Variants in CNBD1 observed in about 807,000 individuals in gnomAD.
CNBD1 encodes the protein cyclic nucleotide-binding domain-containing protein 1.
In CNBD1, 71 loss-of-function variants were observed where a neutral mutation model predicts 54.4. The ratio of observed to expected loss-of-function variants is 1.30; its 90% CI spans 1.08 to 1.59. CNBD1 has a LOEUF of 1.59. CNBD1 is among the 40% of genes most tolerant of loss of function. The probability of loss-of-function intolerance (pLI) is 0.00; values close to 1 mark genes in which losing one functional copy is unlikely to be tolerated. For missense variants in CNBD1, 659 were observed against 518.0 expected (o/e 1.27, Z -2.64); for synonymous variants, 182 against 170.7 (o/e 1.07, Z -0.51).
At chr8:86,984,429 G>T (rs1390977222) in intron 4 of CNBD1, among the ~76,000 whole-genome samples, 2 of 152,150 alleles carry the variant, frequency 1.3e-5, no homozygotes, top group African/African-American at 4.8e-5. Context: ...GTGAGAAGAG[G>T]GCCATCATCC....
chr8:87,300,507 A>G (rs750209052), intron 8 of CNBD1, among the ~76,000 whole-genome samples: 6 of 152,198 alleles, frequency 3.9e-5, no homozygotes, highest in Non-Finnish European at 8.8e-5. Context: ...TTTTGTAGCT[A>G]TACTGGTACG....
chr8:86,929,596 GT>G (rs1809422397), intron 3 of CNBD1, among the ~76,000 whole-genome samples: 1 of 152,182 alleles, frequency 6.6e-6, no homozygotes, highest in African/African-American at 2.4e-5. Context: ...TGCTCGATTG[GT>G]TCCCCATCCT....
At chr8:87,316,099 T>A (rs1041989389) in intron 8 of CNBD1, among the ~76,000 whole-genome samples, 4 of 152,058 alleles carry the variant, frequency 2.6e-5, no homozygotes, top group Non-Finnish European at 5.9e-5. Flanking sequence ...AAGTGATTCA[T>A]CTAAGAATAA....
intron 6 of CNBD1, among the ~76,000 whole-genome samples, chr8:87,275,440 T>C (rs1411094900): frequency 6.6e-6 from 1 of 152,058 alleles, no homozygotes; most frequent in Non-Finnish European, 1.5e-5. Context: ...TTGTATCCGC[T>C]TTTATTTCAT....
intron 8 of CNBD1, among the ~76,000 whole-genome samples, chr8:87,334,640 A>T (rs1175178339): frequency 1.3e-5 from 2 of 151,070 alleles, no homozygotes; most frequent in Non-Finnish European, 2.9e-5. Context: ...CCCAGTAGTC[A>T]TTCAGGAGCA....
At chr8:86,886,457 A>T (rs192889445) in intron 1 of CNBD1, among the ~76,000 whole-genome samples, 71 of 152,266 alleles carry the variant, frequency 4.7e-4, no homozygotes, top group African/African-American at 1.5e-3. Flanking sequence ...TATGATATGG[A>T]TATATATGAT....
At chr8:87,381,039 G>A (rs1307694887) in intron 10 of CNBD1, among the ~76,000 whole-genome samples, 1 of 151,926 alleles carries the variant, frequency 6.6e-6, no homozygotes, top group African/African-American at 2.4e-5. Flanking sequence ...AAACCAGTGA[G>A]ACCACATCAA....
chr8:87,140,115 C>T (rs1476115623), intron 4 of CNBD1, among the ~76,000 whole-genome samples: 1 of 152,076 alleles, frequency 6.6e-6, no homozygotes, highest in African/African-American at 2.4e-5. Context: ...CAGAATAGTC[C>T]ATTAATGCTG....
rs1274059250 is a variant in CNBD1 at position 87,329,142 on chromosome 8, G to T, written c.1043-22543G>T. On this transcript the variant is annotated intron_variant, in intron 8 of 10. Coordinates refer to ENST00000518476, the MANE Select transcript of CNBD1 (RefSeq NM_173538.3). ...GTCTATATTCGCTCTTTTGCATGTG[G>T]ATGTGCAGTTGTTCAGCACTGTTCT... Among the ~76,000 whole-genome samples, 6 of 152,162 alleles carry T rather than the reference G, an allele frequency of 3.9e-5. No individual in the cohort carries two copies. In the East Asian group the frequency reaches 7.7e-4, roughly 20 times the overall value.
intron 3 of CNBD1, among the ~76,000 whole-genome samples, chr8:86,935,116 A>T (rs1282606696): frequency 1.3e-5 from 2 of 151,964 alleles, no homozygotes; most frequent in African/African-American, 4.8e-5. Flanking sequence ...GCTCACTGCA[A>T]GCTCCACCTC....
chr8:87,251,597 A>AG (rs1264113289), intron 6 of CNBD1, among the ~76,000 whole-genome samples: 1 of 149,784 alleles, frequency 6.7e-6, no homozygotes, highest in Non-Finnish European at 1.5e-5. Context: ...TCAAAAAAGA[A>AG]AAAAAAAAAA....
chr8:87,011,179 GGTTTT>G (rs1349156569), intron 4 of CNBD1, among the ~76,000 whole-genome samples: 2 of 135,164 alleles, frequency 1.5e-5, no homozygotes, highest in Non-Finnish European at 3.3e-5. Flanking sequence ...ATTAGAGTTT[GGTTTT>G]TTTTTTTTTT....
chr8:87,339,113 A>G (rs1156787542), intron 8 of CNBD1, among the ~76,000 whole-genome samples: 1 of 138,550 alleles, frequency 7.2e-6, no homozygotes. Flanking sequence ...GTTCGATTAA[A>G]CCATTTCTCT....
At chr8:87,376,372 G>T (rs1167730742) in intron 10 of CNBD1, among the ~76,000 whole-genome samples, 3 of 151,744 alleles carry the variant, frequency 2.0e-5, no homozygotes, top group Non-Finnish European at 4.4e-5. Context: ...ATTCCTAAGG[G>T]CTCGGCCCTC....
intron 4 of CNBD1, among the ~76,000 whole-genome samples, chr8:86,970,779 A>T (rs1406788223): frequency 6.6e-6 from 1 of 152,174 alleles, no homozygotes; most frequent in Non-Finnish European, 1.5e-5. Flanking sequence ...GTTGCAAAGG[A>T]CATGGTTTCA....
intron 4 of CNBD1, among the ~76,000 whole-genome samples, chr8:86,962,137 C>T (rs1393072981): frequency 1.3e-5 from 2 of 152,126 alleles, no homozygotes; most frequent in African/African-American, 4.8e-5. Flanking sequence ...AATGATGCCT[C>T]CTTTGTTTTC....
At chr8:87,210,863 C>T (rs780454362) in intron 5 of CNBD1, among the ~76,000 whole-genome samples, 9 of 152,218 alleles carry the variant, frequency 5.9e-5, no homozygotes, top group Non-Finnish European at 1.2e-4. Context: ...ACAGAGTCCT[C>T]ACTAAGGCAC....
At position 86,943,808 on chromosome 8, in the gene CNBD1, TA is replaced by T. The variant is rs113247991; in HGVS notation, c.431+4057del. Among the ~76,000 whole-genome samples the T allele has an allele frequency of 4.4e-3, 663 of 151,812 alleles. 10 individuals are homozygous for T. The highest frequency in any genetic ancestry group is 0.016 in the African/African-American group (644 of 41,402). ...CTCTGGTTCATTAAAACAATCACAATAAACAAAAAGGGAAGGGGGGACAGAT... is the reference window on the plus strand; with the variant it reads ...CTCTGGTTCATTAAAACAATCACAATAACAAAAAGGGAAGGGGGGACAGAT... On this transcript the variant is annotated intron_variant, in intron 4 of 10. Coordinates refer to ENST00000518476, the MANE Select transcript of CNBD1 (RefSeq NM_173538.3).
At chr8:86,957,707 G>A (rs570638401) in intron 4 of CNBD1, among the ~76,000 whole-genome samples, 44 of 152,170 alleles carry the variant, frequency 2.9e-4, no homozygotes, top group African/African-American at 1.0e-3. Flanking sequence ...GCAGCTATTT[G>A]ATTCTTCTCT....
Sources: allele counts gnomAD v4.1 joint callset (sites outside exome capture counted in the v4.1 genomes callset), GRCh38; gene constraint gnomAD v4.1.1; transcripts MANE v1.5; gene names NCBI Gene and HGNC (gene_info 2026-07-23, HGNC 2026-07-21).